MEI1: variants seen among roughly 807,000 people sequenced by gnomAD.
The protein encoded by MEI1 is meiosis inhibitor protein 1.
MEI1 carries 103 observed loss-of-function variants against 146.2 expected under a neutral mutation model. That is an observed-to-expected ratio of 0.70 (90% CI 0.60 to 0.83). The LOEUF is 0.83. Among genes scored for constraint, MEI1 ranks in the 40% least tolerant of loss-of-function variants. The pLI is 0.00. For synonymous variants in MEI1, 652 were observed against 628.2 expected (o/e 1.04, Z -0.57); for missense variants, 1,529 against 1,533.0 (o/e 1.00, Z 0.04).
chr22:41,711,652 T>C (rs1275272572), intron 3 of MEI1, among the ~76,000 whole-genome samples: 1 of 152,218 alleles, frequency 6.6e-6, no homozygotes, highest in African/African-American at 2.4e-5. Context: ...TTTCTGTGCG[T>C]GTTCGCCTAG....
rs1459198588 is a variant in MEI1 at position 41,699,579 on chromosome 22, C to G, written c.41C>G (p.Pro14Arg). The G allele has an allele frequency of 3.1e-6, 5 of 1,612,796 alleles. No individual in the cohort carries two copies. In the South Asian group the frequency reaches 4.4e-5, roughly 14 times the overall value. Residue 14 changes from proline (P) to arginine (R), a missense_variant, in exon 1 of 31, where the codon CCC (proline) becomes CGC (arginine). Pro to Arg is a moderately radical substitution (Grantham distance 103). Around this residue, in one of 3 missense-constraint regions of MEI1, gnomAD observed 1,212 missense variants for 1,178.9 expected, o/e 1.03. Coordinates refer to ENST00000401548, the MANE Select transcript of MEI1 (RefSeq NM_152513.4). ...RQAATAGTPGPRREEEAALLF... is the reference protein window; with the variant it reads ...RQAATAGTPGRRREEEAALLF... Reference sequence around the variant, plus strand: ...GCGGCGACGGCGGGCACTCCCGGGCCCAGGAGAGAGGAAGAGGCGGCGCTT... The same window carrying G: ...GCGGCGACGGCGGGCACTCCCGGGCGCAGGAGAGAGGAAGAGGCGGCGCTT...
intron 11 of MEI1, among the ~76,000 whole-genome samples, chr22:41,737,915 A>G (rs546398249): frequency 6.6e-6 from 1 of 151,590 alleles, no homozygotes; most frequent in East Asian, 1.9e-4. Flanking sequence ...AATCTTAAAA[A>G]ATAATAATAA....
At position 41,784,943 on chromosome 22, in the gene MEI1, T is replaced by G. The variant is rs533219887; in HGVS notation, c.3345+160T>G. ...ATTTTTATTTTATTTATTTATTTAT[T>G]TATTTATTTAGAGACAGAGTTTCGC... On this transcript the variant is annotated intron_variant, in intron 26 of 30. Transcript: ENST00000401548. Among the ~76,000 whole-genome samples the G allele has an allele frequency of 1.3e-5, 2 of 151,644 alleles. 1 individual carries two copies. The highest frequency in any genetic ancestry group is 4.1e-4 in the South Asian group (2 of 4,830).
At chr22:41,768,953 G>T (rs1224786801) in intron 19 of MEI1, among the ~76,000 whole-genome samples, 9 of 152,130 alleles carry the variant, frequency 5.9e-5, no homozygotes, top group Non-Finnish European at 1.2e-4. Context: ...TTAACAGACT[G>T]CATTCATGAA....
chr22:41,735,213 C>T (rs1284207371), intron 11 of MEI1, among the ~76,000 whole-genome samples: 8 of 143,940 alleles, frequency 5.6e-5, no homozygotes, highest in South Asian at 2.2e-4. Flanking sequence ...CCGCCCGCTT[C>T]GGCCTCCCAA....
intron 15 of MEI1, among the ~76,000 whole-genome samples, chr22:41,750,269 G>C (rs2073658214): frequency 6.6e-6 from 1 of 152,240 alleles, no homozygotes; most frequent in Non-Finnish European, 1.5e-5. Flanking sequence ...CGAGCATTTG[G>C]AGAGGTAGGA....
intron 3 of MEI1, among the ~76,000 whole-genome samples, chr22:41,711,163 A>C (rs1175089633): frequency 1.3e-5 from 2 of 151,196 alleles, no homozygotes; most frequent in Non-Finnish European, 2.9e-5. Context: ...CCTCATTGTC[A>C]CCAGTATTTC....
chr22:41,738,934 T>A (rs2072625720), intron 11 of MEI1, among the ~76,000 whole-genome samples: 1 of 151,984 alleles, frequency 6.6e-6, no homozygotes, highest in South Asian at 2.1e-4. Flanking sequence ...ACCGCTGCAC[T>A]CCAGCCTGGG....
chr22:41,795,585 C>T lies in MEI1; in HGVS notation c.3666+43C>T. On this transcript the variant is annotated intron_variant, in intron 29 of 30. Transcript: ENST00000401548. This position sits in a 1 kb window ranked among gnomAD's most constrained non-coding sequence, Gnocchi z 4.2. ...GCCATGCAGCCACTGTAAAGCTAGA[C>T]CCTCAACACCATCTTCTCTTGGAGG... 1.2e-6 allele frequency: 2 copies of T among 1,611,628 alleles called. No individual in the cohort carries two copies.
intron 13 of MEI1, 28 bp from the exon 14 acceptor site, chr22:41,745,857 T>G: frequency 1.9e-6 from 3 of 1,577,098 alleles, no homozygotes; most frequent in Non-Finnish European, 2.6e-6. Context: ...TAGGTGGTAG[T>G]GGATATACTC....
intron 7 of MEI1, among the ~76,000 whole-genome samples, chr22:41,726,369 CT>C (rs2071357739): frequency 6.6e-6 from 1 of 152,168 alleles, no homozygotes; most frequent in African/African-American, 2.4e-5. Flanking sequence ...TAGTTTTAAG[CT>C]TAAAACTTAA....
intron 19 of MEI1, among the ~76,000 whole-genome samples, chr22:41,768,061 A>G (rs1334795322): frequency 6.6e-6 from 1 of 152,198 alleles, no homozygotes; most frequent in Non-Finnish European, 1.5e-5. Flanking sequence ...CTGAAAAGGT[A>G]GACTTAAGTC....
chr22:41,758,268 C>T, intron 17 of MEI1, 97 bp from the exon 18 acceptor site: 1 of 1,178,906 alleles, frequency 8.5e-7, no homozygotes, highest in South Asian at 1.5e-5. Context: ...ACCCTTGCTG[C>T]CCTGTGCAGT....
At chr22:41,762,533 A>G (rs1314459651) in intron 18 of MEI1, among the ~76,000 whole-genome samples, 1 of 149,344 alleles carries the variant, frequency 6.7e-6, no homozygotes, top group Non-Finnish European at 1.5e-5. Context: ...CGTCTACACA[A>G]CCAGCTAATT....
In MEI1 at chr22:41,746,041, G is replaced by A. The variant is rs748467266; in HGVS notation, c.1680+15G>A. 1 of 1,570,222 alleles carries A rather than the reference G, an allele frequency of 6.4e-7. No individual in the cohort carries two copies. The highest frequency in any genetic ancestry group is 1.2e-5 in the South Asian group (1 of 86,356). On this transcript the variant is annotated intron_variant, in intron 14 of 30. Transcript: ENST00000401548. ...CCATGGTGATGGTGGGTTCTCCTGA[G>A]CCACGGGCAACATGAAGCTTGGGGA...
intron 17 of MEI1, among the ~76,000 whole-genome samples, chr22:41,755,172 C>T (rs778625834): frequency 4.6e-5 from 7 of 152,234 alleles, no homozygotes; most frequent in Non-Finnish European, 1.0e-4. Context: ...TGAGGGGTTC[C>T]TCTATCTTAG....
intron 24 of MEI1, among the ~76,000 whole-genome samples, chr22:41,783,732 G>A (rs1414528387): frequency 6.6e-6 from 1 of 152,210 alleles, no homozygotes; most frequent in East Asian, 1.9e-4. Flanking sequence ...CCAGGCTGGA[G>A]TGCAGTGGCA....
intron 1 of MEI1, among the ~76,000 whole-genome samples, chr22:41,700,921 A>G (rs111340689): frequency 0.069 from 9,942 of 144,220 alleles, 1,058 homozygotes; most frequent in African/African-American, 0.24. Context: ...GTTCTCAAAT[A>G]TTTTGATTTC....
intron 15 of MEI1, among the ~76,000 whole-genome samples, chr22:41,751,472 G>A (rs2073745188): frequency 6.6e-6 from 1 of 152,128 alleles, no homozygotes; most frequent in South Asian, 2.1e-4. Flanking sequence ...CCTGGGCCAG[G>A]GTCAACAGCT....
Sources: gnomAD v4.1 joint callset for allele counts (sites outside exome capture counted in the v4.1 genomes callset) on GRCh38, gnomAD v4.1.1 for gene constraint, gnomAD v4.1.1 regional missense constraint, Gnocchi (gnomAD v3.1) non-coding constraint, MANE v1.5 for transcripts, NCBI Gene and HGNC (gene_info 2026-07-23, HGNC 2026-07-21) for gene names.